The following ZNF573 variants were observed in gnomAD, a reference collection of about 807,000 sequenced individuals.
The protein encoded by ZNF573 is zinc finger protein 573.
A neutral mutation model predicts 57.4 loss-of-function variants in ZNF573; 41 were observed. The observed-to-expected ratio is 0.71, with a 90% CI of 0.56 to 0.93. The LOEUF (loss-of-function observed/expected upper bound fraction) is 0.93. Among genes scored for constraint, ZNF573 ranks in the 40% least tolerant of loss-of-function variants. The pLI is 0.00. For missense variants in ZNF573, 730 were observed against 794.8 expected (o/e 0.92, Z 0.98); for synonymous variants, 249 against 261.0 (o/e 0.95, Z 0.44).
In ZNF573 at chr19:37,738,766, A is replaced by G. The variant is rs757411916; in HGVS notation, c.1724T>C (p.Ile575Thr). 3.7e-6 allele frequency: 6 copies of G among 1,613,914 alleles called. No homozygotes were observed. The highest frequency in any genetic ancestry group is 2.2e-5 in the East Asian group (1 of 44,880). ...TTCATAGGGTTTTTTATCAGCATGA[A>G]TGCTCTGATGTGCAGTAAGGTGTGA... Reference protein sequence around the residue: ...RSSHLTAHQSIHADKKPYECK... With the variant: ...RSSHLTAHQSTHADKKPYECK... Residue 575 changes from isoleucine (I) to threonine (T), a missense_variant, in exon 5 of 5, where the codon ATT becomes ACT. By Grantham distance (89) the Ile-to-Thr change is moderately conservative. Transcript: ENST00000536220.
chr19:37,754,649 T>C (rs2045470279), intron 4 of ZNF573, among the ~76,000 whole-genome samples: 1 of 150,886 alleles, frequency 6.6e-6, no homozygotes, highest in Admixed American at 6.6e-5. Flanking sequence ...AAAAAATCCA[T>C]TTCTAGATTT....
Position 37,739,692 on chromosome 19 carries a change from T to C in ZNF573, c.798A>G (p.Arg266=). 6.2e-7 allele frequency: 1 copy of C among 1,613,788 alleles called. No individual in the cohort carries two copies. The highest frequency in any genetic ancestry group is 2.2e-5 in the East Asian group (1 of 44,880). Reference sequence around the variant, plus strand: ...TATATGGTTTTTCGCCAGTATGAACTCTCTGATGAATTCTAAGATGTCCAC... The same window carrying C: ...TATATGGTTTTTCGCCAGTATGAACCCTCTGATGAATTCTAAGATGTCCAC... ...SQGGHLRIHQ[R]VHTGEKPYKC... Residue 266 remains arginine, a synonymous_variant, in exon 5 of 5, where the codon AGA becomes AGG. Coordinates refer to ENST00000536220, the MANE Select transcript of ZNF573 (RefSeq NM_001172690.2).
intron 4 of ZNF573, among the ~76,000 whole-genome samples, chr19:37,747,446 T>C (rs889729251): frequency 2.6e-5 from 4 of 151,800 alleles, no homozygotes; most frequent in East Asian, 1.9e-4. Flanking sequence ...GAAACAAATA[T>C]GTCTTATAGA....
At chr19:37,758,199 T>TAAAAAAAA (rs1224494420) in intron 4 of ZNF573, among the ~76,000 whole-genome samples, 1 of 11,874 alleles carries the variant, frequency 8.4e-5, no homozygotes, top group African/African-American at 1.7e-4. Flanking sequence ...TAAAGTATAA[T>TAAAAAAAA]AAAATATATA....
chr19:37,750,659 C>G (rs567990582), intron 4 of ZNF573, among the ~76,000 whole-genome samples: 16 of 151,798 alleles, frequency 1.1e-4, no homozygotes, highest in East Asian at 1.9e-4. Flanking sequence ...AGCAAACCTC[C>G]TCCATGTGAA....
At chr19:37,774,126 CTTTTTTTTTTTT>C (rs539456711) in intron 1 of ZNF573, among the ~76,000 whole-genome samples, 20,007 of 87,940 alleles carry the variant, frequency 0.23, 1,807 homozygotes, top group Middle Eastern at 0.45. Flanking sequence ...CTAGAAGCTT[CTTTTTTTTTTTT>C]TTTTTTTTTT....
rs1282997931 is a variant in ZNF573, at chr19:37,739,925, G to A, written c.565C>T (p.Pro189Ser). 5 of 1,614,068 alleles carry A rather than the reference G, an allele frequency of 3.1e-6. No homozygotes were observed. Among genetic ancestry groups the A allele is most frequent in the Non-Finnish European group, 4.2e-6 (5 of 1,180,006 alleles). Residue 189 changes from proline to serine, a missense_variant, in exon 5 of 5, where the codon CCC becomes TCC. Pro to Ser is a moderately conservative substitution (Grantham distance 74). Coordinates refer to ENST00000536220, the MANE Select transcript of ZNF573 (RefSeq NM_001172690.2). ...TTCCCACATTCTGTACATTCATAGG[G>A]TTTCTCACCAGTATGAAATCTTTGA... ...LHQRFHTGEK[P>S]YECTECGKNF...
rs749987824 is a variant in ZNF573, at chr19:37,739,400, T to C, written c.1090A>G (p.Lys364Glu). The change falls in exon 5 of 5, where the codon AAG (lysine) becomes GAG (glutamate). Residue 364 changes from lysine (K) to glutamate (E), a missense_variant. Transcript: ENST00000536220. ...GGKPYECKEC[K>E]KTFTLYRNLT... ...TTTCTATACAAAGTAAAGGTTTTCT[T>C]ACACTCCTTACATTCATAGGGTTTT... 4 of 1,613,988 alleles carry C rather than the reference T, an allele frequency of 2.5e-6. No individual in the cohort carries two copies. The South Asian group carries it at 3.3e-5, about 13-fold the overall frequency.
intron 1 of ZNF573, among the ~76,000 whole-genome samples, chr19:37,777,324 A>G (rs964146270): frequency 5.3e-5 from 8 of 152,168 alleles, no homozygotes; most frequent in African/African-American, 1.7e-4. Context: ...AGAAGTAATT[A>G]TATGAAAAAG....
At chr19:37,747,761 C>A (rs1308938788) in intron 4 of ZNF573, among the ~76,000 whole-genome samples, 1 of 151,760 alleles carries the variant, frequency 6.6e-6, no homozygotes, top group Non-Finnish European at 1.5e-5. Context: ...CTGGTCGGCT[C>A]ACTGCAAACT....
chr19:37,744,208 G>GAGAGC (rs1041867993), intron 4 of ZNF573, among the ~76,000 whole-genome samples: 7 of 151,970 alleles, frequency 4.6e-5, no homozygotes, highest in Middle Eastern at 3.4e-3. Context: ...AGGCTTTCTA[G>GAGAGC]AGAGCAGAGC....
rs11362043 is a variant in ZNF573, at chr19:37,755,834, CAA to C, written c.295+14169_295+14170del. On this transcript the variant is annotated intron_variant, in intron 4 of 4. Coordinates refer to ENST00000536220, the MANE Select transcript of ZNF573 (RefSeq NM_001172690.2). ...AAAACAACTGCAAAATGGTTCTTCG[CAA>C]AAAAAAAAAAAAAGTTAAATGAGGC... Among the ~76,000 whole-genome samples, 1,300 of 130,350 alleles carry C rather than the reference CAA, an allele frequency of 1.0e-2. 18 individuals carry two copies. The highest frequency in any genetic ancestry group is 0.037 in the African/African-American group (1,199 of 32,620). The allele number at this position is 130,350 out of a possible 152,430, so 85.5% of individuals were successfully genotyped here.
intron 2 of ZNF573, among the ~76,000 whole-genome samples, chr19:37,773,444 A>G (rs2045677328): frequency 6.6e-6 from 1 of 152,226 alleles, no homozygotes; most frequent in Non-Finnish European, 1.5e-5. Context: ...CAATAAGCAC[A>G]TGAGTACTAA....
chr19:37,763,407 A>G (rs978206868), intron 4 of ZNF573, among the ~76,000 whole-genome samples: 1 of 151,722 alleles, frequency 6.6e-6, no homozygotes, highest in Non-Finnish European at 1.5e-5. Context: ...TTTTGTAAAA[A>G]TACAAAAATT....
chr19:37,757,642 C>T (rs192707523), intron 4 of ZNF573, among the ~76,000 whole-genome samples: 12 of 152,272 alleles, frequency 7.9e-5, no homozygotes, highest in Non-Finnish European at 1.5e-4. Flanking sequence ...GGCGATTCCT[C>T]AGGGATCTAA....
chr19:37,764,717 C>T (rs532449027), intron 4 of ZNF573, among the ~76,000 whole-genome samples: 10 of 150,338 alleles, frequency 6.7e-5, no homozygotes, highest in Non-Finnish European at 1.5e-4. Context: ...CATTCTCCTG[C>T]CTCAGCCTCC....
intron 4 of ZNF573, among the ~76,000 whole-genome samples, chr19:37,769,655 G>A (rs911495269): frequency 6.6e-6 from 1 of 150,764 alleles, no homozygotes; most frequent in Non-Finnish European, 1.5e-5. Context: ...GAACCCAGGA[G>A]GTGGAGGTTG....
At chr19:37,746,002 T>C (rs2045378981) in intron 4 of ZNF573, among the ~76,000 whole-genome samples, 1 of 152,192 alleles carries the variant, frequency 6.6e-6, no homozygotes, top group Admixed American at 6.5e-5. Flanking sequence ...ACTGACCATA[T>C]ACTGGGCTAT....
chr19:37,742,726 A>T (rs2045338549), intron 4 of ZNF573, among the ~76,000 whole-genome samples: 1 of 152,236 alleles, frequency 6.6e-6, no homozygotes, highest in Non-Finnish European at 1.5e-5. Context: ...TAAAAACCCT[A>T]GAAGAAAACC....
Sources: allele counts gnomAD v4.1 joint callset (sites outside exome capture counted in the v4.1 genomes callset), GRCh38; gene constraint gnomAD v4.1.1; transcripts MANE v1.5; gene names NCBI Gene and HGNC (gene_info 2026-07-23, HGNC 2026-07-21).